Variants in RAB30 observed in about 807,000 individuals in gnomAD.
The protein encoded by RAB30 is RAB30, member RAS oncogene family.
In RAB30, 9 loss-of-function variants were observed where a neutral mutation model predicts 25.1. The ratio of observed to expected loss-of-function variants is 0.36; its 90% CI spans 0.22 to 0.63. The LOEUF (loss-of-function observed/expected upper bound fraction) is 0.63. Ranked by LOEUF, RAB30 falls within the 20% of genes least tolerant of loss-of-function variation. The probability of loss-of-function intolerance (pLI) is 0.69; values close to 1 mark genes in which losing one functional copy is unlikely to be tolerated. For synonymous variants in RAB30, 77 were observed against 86.4 expected, an observed-to-expected ratio of 0.89 and a Z score of 0.60; for missense variants, 140 against 243.5, an observed-to-expected ratio of 0.58 and a Z score of 2.83.
chr11:83,030,671 C>A (rs193206414), intron 1 of RAB30, among the ~76,000 whole-genome samples: 2 of 152,110 alleles, frequency 1.3e-5, no homozygotes, highest in Non-Finnish European at 2.9e-5. Flanking sequence ...GTGGCACGCA[C>A]CTGTAATCCC....
At chr11:83,042,697 C>T (rs7936696) in intron 1 of RAB30, among the ~76,000 whole-genome samples, 430 of 152,280 alleles carry the variant, frequency 2.8e-3, no homozygotes, top group African/African-American at 9.9e-3. Flanking sequence ...TATGTGCCTC[C>T]TTTTGTGATG....
At chr11:83,006,830 T>C (rs1036590149) in intron 1 of RAB30, among the ~76,000 whole-genome samples, 1 of 152,196 alleles carries the variant, frequency 6.6e-6, no homozygotes, top group Non-Finnish European at 1.5e-5. Context: ...ATCACTGCTT[T>C]CTCTAAACCA....
chr11:83,005,939 C>A (rs1857174686), intron 1 of RAB30, among the ~76,000 whole-genome samples: 1 of 150,714 alleles, frequency 6.6e-6, no homozygotes, highest in South Asian at 2.1e-4. Flanking sequence ...ATAAAAATAG[C>A]ACTTACATTT....
chr11:83,020,642 G>T (rs904712387), intron 1 of RAB30, among the ~76,000 whole-genome samples: 10 of 152,198 alleles, frequency 6.6e-5, no homozygotes, highest in Non-Finnish European at 1.3e-4. Flanking sequence ...CCAGGGTGGC[G>T]ATTTGTGGTG....
At chr11:83,027,816 C>A (rs1368416813) in intron 1 of RAB30, among the ~76,000 whole-genome samples, 2 of 152,186 alleles carry the variant, frequency 1.3e-5, no homozygotes, top group East Asian at 1.9e-4. Context: ...TCCCCCCACT[C>A]CCCAGCCGCA....
At chr11:82,986,301 G>A (rs1856737669) in intron 4 of RAB30, among the ~76,000 whole-genome samples, 3 of 152,186 alleles carry the variant, frequency 2.0e-5, no homozygotes, top group Non-Finnish European at 4.4e-5. Context: ...GAGATGTGTA[G>A]AAGGGGATTC....
At chr11:82,983,577 A>C (rs1258495680) in intron 4 of RAB30, among the ~76,000 whole-genome samples, 1 of 147,202 alleles carries the variant, frequency 6.8e-6, no homozygotes, top group Non-Finnish European at 1.5e-5. Flanking sequence ...GACTACAGGC[A>C]GGCACTACCA....
rs143314390 is a variant in RAB30 at position 83,053,192 on chromosome 11, C to T, written c.-9+18499G>A. Among the ~76,000 whole-genome samples the T allele has an allele frequency of 3.5e-4, 54 of 152,296 alleles. No individual in the cohort carries two copies. In the East Asian group the frequency reaches 0.01, roughly 28 times the overall value. ...AGGAGCATGAAGTAGAGGAAGGAGC[C>T]TTAAACCACTGTTTAGTCTCCTTCC... On this transcript the variant is annotated intron_variant, in intron 1 of 4. Transcript: ENST00000527633.
intron 4 of RAB30, among the ~76,000 whole-genome samples, chr11:82,985,315 C>T (rs1467290689): frequency 6.6e-6 from 1 of 152,112 alleles, no homozygotes; most frequent in Non-Finnish European, 1.5e-5. Context: ...CAAATATAAA[C>T]AGATGTCAAT....
At chr11:83,014,636 A>AAGAAAGAAAGAAAG in intron 1 of RAB30, among the ~76,000 whole-genome samples, 1 of 44,168 alleles carries the variant, frequency 2.3e-5, no homozygotes, top group East Asian at 4.7e-4. Flanking sequence ...AAGTAAGAAA[A>AAGAAAGAAAGAAAG]AGAAAGAAAG....
At chr11:83,035,914 G>A (rs141199611) in intron 1 of RAB30, among the ~76,000 whole-genome samples, 106 of 152,306 alleles carry the variant, frequency 7.0e-4, no homozygotes, top group African/African-American at 2.4e-3. Context: ...TTCCATTAAT[G>A]AGGCTGAAAC....
intron 1 of RAB30, among the ~76,000 whole-genome samples, chr11:83,043,347 G>C (rs1271073005): frequency 6.6e-6 from 1 of 152,172 alleles, no homozygotes; most frequent in Non-Finnish European, 1.5e-5. Context: ...GTATAAAGGA[G>C]CCCAGTTGAT....
At chr11:83,030,524 G>A (rs1433372379) in intron 1 of RAB30, among the ~76,000 whole-genome samples, 1 of 151,754 alleles carries the variant, frequency 6.6e-6, no homozygotes, top group Non-Finnish European at 1.5e-5. Context: ...TTGGCTGCGT[G>A]TGGTAGCTCA....
intron 3 of RAB30, 24 bp downstream of exon 3, chr11:82,994,015 C>T (rs1173669317): frequency 3.2e-6 from 5 of 1,548,650 alleles, no homozygotes; most frequent in Middle Eastern, 3.4e-4. Context: ...ACCTGACAAC[C>T]TTAGTGAATA....
intron 1 of RAB30, among the ~76,000 whole-genome samples, chr11:83,022,425 T>G (rs1352848610): frequency 6.6e-6 from 1 of 152,046 alleles, no homozygotes; most frequent in African/African-American, 2.4e-5. Context: ...TCCCAAAGTG[T>G]TGGTATTACA....
chr11:82,988,968 T>C (rs888362293), intron 3 of RAB30, among the ~76,000 whole-genome samples: 1 of 143,846 alleles, frequency 7.0e-6, no homozygotes, highest in African/African-American at 2.6e-5. Context: ...GCCTGAATCA[T>C]TTATTTGTAA....
Position 82,976,966 on chromosome 11 carries a change from T to G in RAB30, c.*5199A>C, listed in dbSNP as rs763403672. ...AATCAAACCAACTAAGGAAATGTCA[T>G]TGATACTTTTCTAAAATAGATCTTG... On this transcript the variant is annotated 3_prime_UTR_variant, in exon 5 of 5. Transcript: ENST00000527633. The G allele has an allele frequency of 6.6e-6, 1 of 152,222 alleles. No homozygotes were observed. Among genetic ancestry groups the G allele is most frequent in the African/African-American group, 2.4e-5 (1 of 41,464 alleles). The allele number at this position is 152,222 out of a possible 1,614,324, so 9.4% of individuals were successfully genotyped here.
chr11:83,017,286 G>A (rs752423219), intron 1 of RAB30, among the ~76,000 whole-genome samples: 13 of 152,150 alleles, frequency 8.5e-5, no homozygotes, highest in South Asian at 2.1e-4. Context: ...GCAGTGAGCC[G>A]TGATAGTTCC....
At chr11:83,018,294 T>A (rs1365960968) in intron 1 of RAB30, among the ~76,000 whole-genome samples, 6 of 116,190 alleles carry the variant, frequency 5.2e-5, no homozygotes, top group Admixed American at 9.6e-5. Flanking sequence ...CAAGACTCCA[T>A]CTCAAAAAAA....
Sources: gnomAD v4.1 joint callset for allele counts (sites outside exome capture counted in the v4.1 genomes callset) on GRCh38, gnomAD v4.1.1 for gene constraint, MANE v1.5 for transcripts, NCBI Gene and HGNC (gene_info 2026-07-23, HGNC 2026-07-21) for gene names.